Variants in RTL4 observed in about 807,000 individuals in gnomAD.
The protein encoded by RTL4 is retrotransposon Gag-like protein 4.
A neutral mutation model predicts 5.3 loss-of-function variants in RTL4; 4 were observed. The ratio of observed to expected loss-of-function variants is 0.75; its 90% CI spans 0.37 to 1.72. The LOEUF is 1.72. Ranked by LOEUF, RTL4 falls within the 40% of genes most tolerant of loss-of-function variation. The pLI, the probability that RTL4 is intolerant of heterozygous loss-of-function variation, is 0.04. For synonymous variants in RTL4, 98 were observed against 87.3 expected, an observed-to-expected ratio of 1.12 and a Z score of -0.68; for missense variants, 260 against 227.1, an observed-to-expected ratio of 1.14 and a Z score of -0.93.
chrX:112,248,169 C>T, the RTL4 span, among the ~76,000 whole-genome samples: 1 of 112,143 alleles, frequency 8.9e-6, no homozygotes, highest in African/African-American at 3.2e-5. Flanking sequence ...ATAATTATTT[C>T]CAAGAAAAAC....
chrX:112,111,123 TTTTCTC>T, the RTL4 span, among the ~76,000 whole-genome samples: 187 of 111,973 alleles, frequency 1.7e-3, 5 homozygotes, highest in East Asian at 0.05. Context: ...TCTTTACTAC[TTTTCTC>T]TTTCTCTTTC....
the RTL4 span, among the ~76,000 whole-genome samples, chrX:112,427,769 GTTATT>G: frequency 9.1e-6 from 1 of 110,093 alleles, no homozygotes; most frequent in Non-Finnish European, 1.9e-5. Flanking sequence ...TTTTTATTTT[GTTATT>G]TTATTATTAT....
At chrX:112,409,966 A>G in the RTL4 span, among the ~76,000 whole-genome samples, 1 of 111,319 alleles carries the variant, frequency 9.0e-6, no homozygotes, top group Non-Finnish European at 1.9e-5. Context: ...AGACTCAACA[A>G]TGTATTGTCT....
the RTL4 span, among the ~76,000 whole-genome samples, chrX:112,092,001 G>T: frequency 1.8e-5 from 2 of 111,050 alleles, no homozygotes; most frequent in East Asian, 2.8e-4. Context: ...AATAATTTTT[G>T]ACTTACAGTT....
At chrX:112,160,143 T>C in the RTL4 span, among the ~76,000 whole-genome samples, 75 of 112,436 alleles carry the variant, frequency 6.7e-4, 2 homozygotes, top group Non-Finnish European at 9.4e-5. Context: ...AGAATCTGAA[T>C]ACATCTTGCC....
At chrX:112,416,072 G>A in the RTL4 span, among the ~76,000 whole-genome samples, 1 of 111,407 alleles carries the variant, frequency 9.0e-6, no homozygotes, top group African/African-American at 3.3e-5. Context: ...ATGTTCCTTA[G>A]TTTGTAACTG....
the RTL4 span, among the ~76,000 whole-genome samples, chrX:112,205,381 C>G: frequency 9.0e-6 from 1 of 111,062 alleles, no homozygotes; most frequent in Non-Finnish European, 1.9e-5. Context: ...AGGTTCTTAA[C>G]AGACCTAAGA....
At chrX:112,114,659 G>T in the RTL4 span, among the ~76,000 whole-genome samples, 1 of 111,390 alleles carries the variant, frequency 9.0e-6, no homozygotes, top group African/African-American at 3.3e-5. Context: ...AGGTTTTGTG[G>T]TCCTTTGGAG....
At chrX:112,273,526 A>G in the RTL4 span, among the ~76,000 whole-genome samples, 1 of 111,862 alleles carries the variant, frequency 8.9e-6, no homozygotes, top group Non-Finnish European at 1.9e-5. Context: ...TGCTGGGATT[A>G]CAGGCGTGAG....
chrX:112,212,555 G>C, the RTL4 span, among the ~76,000 whole-genome samples: 348 of 111,782 alleles, frequency 3.1e-3, 1 homozygote, highest in African/African-American at 0.011. Context: ...ATGCTTTCCT[G>C]ATCTCTCACT....
the RTL4 span, among the ~76,000 whole-genome samples, chrX:112,130,686 A>T: frequency 1.8e-5 from 2 of 111,112 alleles, no homozygotes; most frequent in Non-Finnish European, 3.8e-5. Flanking sequence ...AGATTGTAAA[A>T]TTTAGAAGGC....
chrX:112,441,154 CTGTT>C, the RTL4 span, among the ~76,000 whole-genome samples: 2 of 111,442 alleles, frequency 1.8e-5, no homozygotes, highest in African/African-American at 6.5e-5. Context: ...AATCCAATCT[CTGTT>C]TGAATACCTC....
the RTL4 span, among the ~76,000 whole-genome samples, chrX:112,305,868 G>C: frequency 1.5e-4 from 17 of 111,638 alleles, no homozygotes; most frequent in East Asian, 4.8e-3. Flanking sequence ...GTTTGGTTTT[G>C]GTGGCCAGCT....
the RTL4 span, among the ~76,000 whole-genome samples, chrX:112,434,032 C>T: frequency 1.0e-5 from 1 of 97,558 alleles, no homozygotes; most frequent in African/African-American, 3.8e-5. Context: ...TGCTGGATTA[C>T]ATTTATTGAT....
chrX:112,189,493 T>G, the RTL4 span, among the ~76,000 whole-genome samples: 1 of 111,516 alleles, frequency 9.0e-6, no homozygotes, highest in Non-Finnish European at 1.9e-5. Flanking sequence ...TATGAGCAGA[T>G]GAACTATATT....
chrX:112,313,652 C>T, the RTL4 span, among the ~76,000 whole-genome samples: 3,929 of 110,283 alleles, frequency 0.036, 186 homozygotes, highest in African/African-American at 0.12. Context: ...CTCTCTCTGT[C>T]TCTCTCTTTC....
the RTL4 span, among the ~76,000 whole-genome samples, chrX:112,094,496 G>A: frequency 9.0e-6 from 1 of 110,938 alleles, no homozygotes; most frequent in African/African-American, 3.3e-5. Flanking sequence ...TCAGTGACAA[G>A]ATTTGGAAGT....
chrX:112,231,888 G>A, the RTL4 span, among the ~76,000 whole-genome samples: 1 of 111,555 alleles, frequency 9.0e-6, no homozygotes, highest in East Asian at 2.8e-4. Context: ...ATAAGTGGTA[G>A]AACTAGGATT....
At chrX:112,257,217 C>T in the RTL4 span, among the ~76,000 whole-genome samples, 1 of 109,260 alleles carries the variant, frequency 9.2e-6, no homozygotes, top group Non-Finnish European at 1.9e-5. Flanking sequence ...GCTTTTTTTA[C>T]ATTTCATCAG....
Sources: gnomAD v4.1 joint callset for allele counts (sites outside exome capture counted in the v4.1 genomes callset) on GRCh38, gnomAD v4.1.1 for gene constraint, MANE v1.5 for transcripts, NCBI Gene and HGNC (gene_info 2026-07-23, HGNC 2026-07-21) for gene names.